Variants in HAS3 observed in about 807,000 individuals in gnomAD.
HAS3 encodes HA synthase 3.
In HAS3, 27 loss-of-function variants were observed where a neutral mutation model predicts 50.3. The observed-to-expected ratio is 0.54, with a 90% CI of 0.40 to 0.74. The LOEUF (loss-of-function observed/expected upper bound fraction) is 0.74. Among genes scored for constraint, HAS3 ranks in the 30% least tolerant of loss-of-function variants. The pLI is 0.00. For synonymous variants in HAS3, 339 were observed against 310.9 expected (o/e 1.09, Z -0.95); for missense variants, 517 against 742.8 (o/e 0.70, Z 3.53).
At position 69,106,037 on chromosome 16, in the gene HAS3, A is replaced by C. The variant is rs954207720; in HGVS notation, c.-1+250A>C. On this transcript the variant is annotated intron_variant, in intron 1 of 3. Transcript: ENST00000569188. This position sits in a 1 kb window ranked among gnomAD's most constrained non-coding sequence, Gnocchi z 5.5. ...AGTCTTGCGAGCCGGAGCCGCGTCC[A>C]CCCGGGACTAGGCGTCCCCGCCGAG... 2.0e-5 allele frequency among the ~76,000 whole-genome samples: 3 copies of C among 152,106 alleles called. No homozygotes were observed. Among genetic ancestry groups the C allele is most frequent in the African/African-American group, 4.8e-5 (2 of 41,430 alleles).
chr16:69,091,889 A>G, the HAS3 span, among the ~76,000 whole-genome samples: 5 of 152,132 alleles, frequency 3.3e-5, no homozygotes, highest in Admixed American at 2.6e-4. Flanking sequence ...AATAATGACT[A>G]TATTTCCCAA....
At chr16:69,111,640 GAT>G (rs1384627619) in intron 2 of HAS3, among the ~76,000 whole-genome samples, 1 of 152,182 alleles carries the variant, frequency 6.6e-6, no homozygotes, top group African/African-American at 2.4e-5. Context: ...CATGAGGGTT[GAT>G]ATGTTTATCT....
At chr16:69,113,618 A>G (rs1597098402) in intron 3 of HAS3, 76 bp downstream of exon 3, 2 of 880,986 alleles carry the variant, frequency 2.3e-6, no homozygotes, top group South Asian at 3.1e-5. Flanking sequence ...TGCCTGGGAA[A>G]TGGGTGTCTT....
intron 2 of HAS3, among the ~76,000 whole-genome samples, chr16:69,112,321 A>AAT (rs1186731101): frequency 6.6e-6 from 1 of 152,204 alleles, no homozygotes; most frequent in Non-Finnish European, 1.5e-5. Flanking sequence ...GGCATGGACC[A>AAT]GGATGTAAGG....
chr16:69,089,027 A>C, the HAS3 span, among the ~76,000 whole-genome samples: 1 of 151,808 alleles, frequency 6.6e-6, no homozygotes, highest in Non-Finnish European at 1.5e-5. Flanking sequence ...CCACCCCCCA[A>C]CTTGGCCTCG....
At chr16:69,103,182 G>A (rs1472540558), upstream of HAS3, among the ~76,000 whole-genome samples, 4 of 152,134 alleles carry the variant, frequency 2.6e-5, no homozygotes, top group Non-Finnish European at 5.9e-5. Context: ...CCTCTAAACG[G>A]AGCGTTTGCT....
In HAS3 at chr16:69,109,660, C is replaced by G; in HGVS notation, c.265C>G (p.Leu89Val). The G allele has an allele frequency of 6.2e-7, 1 of 1,610,158 alleles. No individual in the cohort carries two copies. The highest frequency in any genetic ancestry group is 2.2e-5 in the East Asian group (1 of 44,870). Residue 89 changes from leucine to valine, a missense_variant, in exon 2 of 4, where the codon CTG (leucine) becomes GTG (valine). By Grantham distance (32) the Leu-to-Val change is conservative. Transcript: ENST00000569188. The surrounding 1 kb of genome is among the most constrained non-coding windows in gnomAD (Gnocchi z 5.3). Reference sequence around the variant, plus strand: ...CTCCCCGCGGCGGGGCTCGGTGGCACTGTGCATTGCCGCATACCAGGAGGA... The same window carrying G: ...CTCCCCGCGGCGGGGCTCGGTGGCAGTGTGCATTGCCGCATACCAGGAGGA... ...LPSPRRGSVA[L>V]CIAAYQEDPD... is the part of the protein sequence containing the mutation.
the HAS3 span, among the ~76,000 whole-genome samples, chr16:69,096,534 CAAAAAAAAAAAAAA>C: frequency 2.0e-4 from 7 of 35,316 alleles, no homozygotes; most frequent in East Asian, 1.3e-3. Context: ...GACTCTGTCT[CAAAAAAAAAAAAAA>C]AAAAAAAAAA....
chr16:69,110,448 C>T (rs948274034), intron 2 of HAS3, among the ~76,000 whole-genome samples: 1 of 152,102 alleles, frequency 6.6e-6, no homozygotes, highest in African/African-American at 2.4e-5. Flanking sequence ...ACTATGTTGC[C>T]CAGGCTGGAG....
At position 69,116,022 on chromosome 16, in the gene HAS3, TCA is replaced by T. The variant is rs145591952; in HGVS notation, c.*757_*758del. 0.036 allele frequency: 35,738 copies of T among 985,702 alleles called. 677 individuals are homozygous for T. Among genetic ancestry groups the T allele is most frequent in the Non-Finnish European group, 0.039 (32,201 of 829,832 alleles). The allele number at this position is 985,702 out of a possible 1,614,324, so 61.1% of individuals were successfully genotyped here. A position where few individuals can be genotyped will look rare whatever the true frequency, so the allele number is the denominator to read the frequency against. ...CTTGGGTGTTCCACCTGGAAACTGC[TCA>T]GACGTCTAGATGGGTTCTTAGCTTG... On this transcript the variant is annotated 3_prime_UTR_variant, in exon 4 of 4. Transcript: ENST00000569188.
At position 69,115,899 on chromosome 16, in the gene HAS3, T is replaced by G; in HGVS notation, c.*633T>G. 1.0e-6 allele frequency: 1 copy of G among 985,836 alleles called. No homozygotes were observed. The highest frequency in any genetic ancestry group is 1.7e-5 in the African/African-American group (1 of 57,330). 61.1% of individuals were successfully genotyped at this position (985,836 alleles called of 1,614,324 possible). On this transcript the variant is annotated 3_prime_UTR_variant, in exon 4 of 4. Transcript: ENST00000569188. ...AGCCAAACCAGCAGGGAGTTAGCAC[T>G]GAACTGCTTTTAAAAGTGCACATTA...
chr16:69,113,190 T>G (rs1961066044), intron 2 of HAS3, among the ~76,000 whole-genome samples: 1 of 152,252 alleles, frequency 6.6e-6, no homozygotes, highest in Non-Finnish European at 1.5e-5. Context: ...TCTCCACGCC[T>G]GGCACCTACT....
At position 69,106,061 on chromosome 16, in the gene HAS3, A is replaced by G. The variant is rs1471582972; in HGVS notation, c.-1+274A>G. Among the ~76,000 whole-genome samples, 1 of 152,046 alleles carries G rather than the reference A, an allele frequency of 6.6e-6. No homozygotes were observed. The highest frequency in any genetic ancestry group is 1.5e-5 in the Non-Finnish European group (1 of 67,986). Reference sequence around the variant, plus strand: ...CACCCGGGACTAGGCGTCCCCGCCGAGCGCTGGCTTGTGGCGCTCCCTGGG... The same window carrying G: ...CACCCGGGACTAGGCGTCCCCGCCGGGCGCTGGCTTGTGGCGCTCCCTGGG... On this transcript the variant is annotated intron_variant, in intron 1 of 3. Transcript: ENST00000569188. The surrounding 1 kb of genome is among the most constrained non-coding windows in gnomAD (Gnocchi z 5.5).
In HAS3 at chr16:69,114,199, C is replaced by A; in HGVS notation, c.739-144C>A. Reference sequence around the variant, plus strand: ...GTGTGTGGTTGGCTCCTCTGAGCCTCAGGTTTCCCAGCTCCAAAGGAACCG... The same window carrying A: ...GTGTGTGGTTGGCTCCTCTGAGCCTAAGGTTTCCCAGCTCCAAAGGAACCG... On this transcript the variant is annotated intron_variant, in intron 3 of 3. Transcript: ENST00000569188. The surrounding 1 kb of genome is among the most constrained non-coding windows in gnomAD (Gnocchi z 6.4). 7.9e-7 allele frequency: 1 copy of A among 1,269,452 alleles called. No individual in the cohort carries two copies. The highest frequency in any genetic ancestry group is 1.5e-5 in the African/African-American group (1 of 67,350). 78.6% of individuals were successfully genotyped at this position (1,269,452 alleles called of 1,614,324 possible). A position where few individuals can be genotyped will look rare whatever the true frequency, so the allele number is the denominator to read the frequency against.
rs1960772038 is a variant in HAS3, at chr16:69,105,765, T to C, written c.-23T>C. ...GCGTGCAGAAGTCGGGGAAGAGTGC[T>C]CTCAGCTCGCCTTCCTTGCAGGGTG... On this transcript the variant is annotated 5_prime_UTR_variant, in exon 1 of 4. Transcript: ENST00000569188. The C allele has an allele frequency of 6.6e-6, 1 of 152,252 alleles. No individual in the cohort carries two copies. Among genetic ancestry groups the C allele is most frequent in the Non-Finnish European group, 1.5e-5 (1 of 68,054 alleles). The allele number at this position is 152,252 out of a possible 1,614,324, so 9.4% of individuals were successfully genotyped here. A position where few individuals can be genotyped will look rare whatever the true frequency, so the allele number is the denominator to read the frequency against.
Position 69,109,419 on chromosome 16 carries a change from C to G in HAS3, c.24C>G (p.Ala8=). ...AGATGCCGGTGCAGCTGACGACAGC[C>G]CTGCGTGTGGTGGGCACCAGCCTGT... MPVQLTT[A]LRVVGTSLFA... The change falls in exon 2 of 4, where the codon GCC becomes GCG. Residue 8 remains alanine (A), a synonymous_variant. Coordinates refer to ENST00000569188, the MANE Select transcript of HAS3 (RefSeq NM_001199280.2). This position sits in a 1 kb window ranked among gnomAD's most constrained non-coding sequence, Gnocchi z 5.3. The G allele has an allele frequency of 6.2e-7, 1 of 1,609,684 alleles. No individual in the cohort carries two copies. Among genetic ancestry groups the G allele is most frequent in the Non-Finnish European group, 8.5e-7 (1 of 1,178,900 alleles).
At chr16:69,090,197 C>T in the HAS3 span, among the ~76,000 whole-genome samples, 4 of 152,158 alleles carry the variant, frequency 2.6e-5, no homozygotes, top group African/African-American at 9.7e-5. Flanking sequence ...AATCCCAACA[C>T]GTGGGGCCCA....
downstream of HAS3, chr16:69,117,665 G>A (rs552395930): frequency 6.2e-6 from 6 of 962,998 alleles, no homozygotes; most frequent in African/African-American, 3.6e-5. Flanking sequence ...CGGTTATCTC[G>A]AAACTACTAC....
chr16:69,095,359 G>A, the HAS3 span, among the ~76,000 whole-genome samples: 1 of 151,984 alleles, frequency 6.6e-6, no homozygotes, highest in Middle Eastern at 3.2e-3. Flanking sequence ...GAGGAAAATG[G>A]ACAGACACTC....
Sources: gnomAD v4.1 joint callset for allele counts (sites outside exome capture counted in the v4.1 genomes callset) on GRCh38, gnomAD v4.1.1 for gene constraint, Gnocchi (gnomAD v3.1) non-coding constraint, MANE v1.5 for transcripts, NCBI Gene and HGNC (gene_info 2026-07-23, HGNC 2026-07-21) for gene names.